Variants in PRKCE observed in about 807,000 individuals in gnomAD.
PRKCE encodes protein kinase C epsilon, also known as protein kinase C epsilon type.
PRKCE carries 16 observed loss-of-function variants against 85.4 expected under a neutral mutation model. That is an observed-to-expected ratio of 0.19 (90% CI 0.13 to 0.28). The LOEUF is 0.28. Among genes scored for constraint, PRKCE ranks in the 10% least tolerant of loss-of-function variants. PRKCE has a pLI of 1.00. For missense variants in PRKCE, 573 were observed against 975.2 expected, an observed-to-expected ratio of 0.59 and a Z score of 5.49; for synonymous variants, 388 against 371.5, an observed-to-expected ratio of 1.04 and a Z score of -0.51.
chr2:46,122,691 G>A (rs1337809374), intron 11 of PRKCE, among the ~76,000 whole-genome samples: 1 of 152,150 alleles, frequency 6.6e-6, no homozygotes, highest in South Asian at 2.1e-4. Flanking sequence ...AATTGGGCCT[G>A]ACAGTAAGTG....
intron 2 of PRKCE, among the ~76,000 whole-genome samples, chr2:45,944,856 C>A (rs559212461): frequency 6.6e-6 from 1 of 152,192 alleles, no homozygotes; most frequent in East Asian, 1.9e-4. Context: ...ACTTATAAAT[C>A]TTTGGACATT....
chr2:45,988,131 C>T (rs1703484915), intron 6 of PRKCE, among the ~76,000 whole-genome samples: 1 of 152,176 alleles, frequency 6.6e-6, no homozygotes, highest in Non-Finnish European at 1.5e-5. Context: ...CTTGCTGGAC[C>T]ATGCTAGCAG....
rs116959838 is a variant in PRKCE, at chr2:45,948,015, G to A, written c.413-28414G>A. 6.1e-4 allele frequency among the ~76,000 whole-genome samples: 93 copies of A among 152,316 alleles called. No homozygotes were observed. In the East Asian group the frequency reaches 0.016, roughly 27 times the overall value. On this transcript the variant is annotated intron_variant, in intron 2 of 14. Coordinates refer to ENST00000306156, the MANE Select transcript of PRKCE (RefSeq NM_005400.3). ...GACCTGCCACCCCATCCTAGACCAT[G>A]TTCAGGCATTGCTCACCTACGTGAA...
chr2:45,684,205 C>A (rs1216619885), intron 1 of PRKCE, among the ~76,000 whole-genome samples: 1 of 152,164 alleles, frequency 6.6e-6, no homozygotes, highest in East Asian at 1.9e-4. Context: ...CCATTTAGAA[C>A]CCAGTGTGAA....
At chr2:46,120,109 TA>T (rs1270979679) in intron 11 of PRKCE, among the ~76,000 whole-genome samples, 1 of 152,202 alleles carries the variant, frequency 6.6e-6, no homozygotes, top group Non-Finnish European at 1.5e-5. Context: ...GAAGCTCAGA[TA>T]AAAAATAGAA....
At chr2:46,055,328 C>T (rs1422635573) in intron 10 of PRKCE, among the ~76,000 whole-genome samples, 4 of 152,206 alleles carry the variant, frequency 2.6e-5, no homozygotes, top group Non-Finnish European at 5.9e-5. Context: ...CCCCATCCCA[C>T]AAGGGTGGAA....
At chr2:45,789,065 G>T (rs534844204) in intron 1 of PRKCE, among the ~76,000 whole-genome samples, 2 of 152,016 alleles carry the variant, frequency 1.3e-5, no homozygotes, top group Non-Finnish European at 2.9e-5. Context: ...TTAGACCCTC[G>T]CAAAACCACC....
chr2:46,050,344 G>A (rs1219332804), intron 10 of PRKCE, among the ~76,000 whole-genome samples: 1 of 152,212 alleles, frequency 6.6e-6, no homozygotes, highest in Non-Finnish European at 1.5e-5. Context: ...TTTATTTGCC[G>A]AGCCGTCCCT....
chr2:46,065,525 T>G (rs974949691), intron 10 of PRKCE, among the ~76,000 whole-genome samples: 5 of 152,218 alleles, frequency 3.3e-5, no homozygotes, highest in Non-Finnish European at 5.9e-5. Context: ...TCTTCTCATC[T>G]GAATAGCCAA....
At position 45,652,591 on chromosome 2, in the gene PRKCE, ACACTT is replaced by A; in HGVS notation, c.348+151_348+155del. 1.2e-6 allele frequency: 1 copy of A among 801,640 alleles called. No individual in the cohort carries two copies. Among genetic ancestry groups the A allele is most frequent in the Non-Finnish European group, 1.9e-6 (1 of 520,840 alleles). The allele number at this position is 801,640 out of a possible 1,614,324, so 49.7% of individuals were successfully genotyped here. A position where few individuals can be genotyped will look rare whatever the true frequency, so the allele number is the denominator to read the frequency against. On this transcript the variant is annotated intron_variant, in intron 1 of 14. Coordinates refer to ENST00000306156, the MANE Select transcript of PRKCE (RefSeq NM_005400.3). This position sits in a 1 kb window ranked among gnomAD's most constrained non-coding sequence, Gnocchi z 7.7. ...TAAGTCTCAGTTTCCTTGGGGAGGT[ACACTT>A]CACTTCATAGTTGGGGAGAAACAGG...
chr2:46,143,641 T>A (rs568388617), intron 11 of PRKCE, among the ~76,000 whole-genome samples: 1 of 152,180 alleles, frequency 6.6e-6, no homozygotes, highest in South Asian at 2.1e-4. Flanking sequence ...GGCCCAGTGT[T>A]TGTCTCACTG....
At chr2:46,151,736 G>A (rs1174206266) in intron 13 of PRKCE, among the ~76,000 whole-genome samples, 1 of 152,248 alleles carries the variant, frequency 6.6e-6, no homozygotes, top group Non-Finnish European at 1.5e-5. Context: ...AAAAGATCTG[G>A]TACACTGGAA....
At chr2:45,756,281 G>C (rs1389891697) in intron 1 of PRKCE, among the ~76,000 whole-genome samples, 14 of 152,186 alleles carry the variant, frequency 9.2e-5, no homozygotes. Context: ...ATAGGGCAGA[G>C]AGGAAGAAGA....
intron 13 of PRKCE, among the ~76,000 whole-genome samples, chr2:46,151,986 G>A (rs976987318): frequency 6.6e-6 from 1 of 152,210 alleles, no homozygotes; most frequent in Admixed American, 6.5e-5. Context: ...AGCTAAGATA[G>A]GATGAGGGTG....
chr2:45,653,546 C>T (rs1675244259), intron 1 of PRKCE, among the ~76,000 whole-genome samples: 2 of 151,918 alleles, frequency 1.3e-5, no homozygotes, highest in South Asian at 2.1e-4. Flanking sequence ...GCTATCTAAG[C>T]CTCAAAAGTG....
chr2:45,921,509 C>G (rs1269832611), intron 2 of PRKCE, among the ~76,000 whole-genome samples: 2 of 152,176 alleles, frequency 1.3e-5, no homozygotes, highest in African/African-American at 4.8e-5. Flanking sequence ...AAGTTATGTA[C>G]TATTATTGGC....
intron 10 of PRKCE, among the ~76,000 whole-genome samples, chr2:46,060,412 G>T (rs954665332): frequency 7.2e-5 from 11 of 152,160 alleles, no homozygotes; most frequent in African/African-American, 2.7e-4. Flanking sequence ...GATGACACCG[G>T]AGGCAGGCAA....
At chr2:46,010,838 C>G in intron 10 of PRKCE, 1 of 1,540,810 alleles carries the variant, frequency 6.5e-7, no homozygotes, top group Non-Finnish European at 8.7e-7. Flanking sequence ...CTGCTCCTAA[C>G]TTTCTATCAC....
Position 45,652,770 on chromosome 2 carries a change from G to A in PRKCE, c.348+322G>A, listed in dbSNP as rs1675185835. Among the ~76,000 whole-genome samples the A allele has an allele frequency of 1.3e-5, 2 of 152,330 alleles. No homozygotes were observed. The highest frequency in any genetic ancestry group is 2.9e-5 in the Non-Finnish European group (2 of 68,032). On this transcript the variant is annotated intron_variant, in intron 1 of 14. Transcript: ENST00000306156. This position sits in a 1 kb window ranked among gnomAD's most constrained non-coding sequence, Gnocchi z 7.7. ...TTGGCCGAGGACCCGGCTTTCTTCC[G>A]CAGGCGCGTGGTGGGCTGGCTGTGT...
Sources: allele counts gnomAD v4.1 joint callset (sites outside exome capture counted in the v4.1 genomes callset), GRCh38; gene constraint gnomAD v4.1.1; non-coding constraint Gnocchi (gnomAD v3.1); transcripts MANE v1.5; gene names NCBI Gene and HGNC (gene_info 2026-07-23, HGNC 2026-07-21).